RALGAPA2: variants seen among roughly 807,000 people sequenced by gnomAD.
The protein encoded by RALGAPA2 is Ral GTPase activating protein catalytic subunit alpha 2.
RALGAPA2 carries 139 observed loss-of-function variants against 230.4 expected under a neutral mutation model. The observed-to-expected ratio is 0.60, with a 90% CI of 0.53 to 0.69. The LOEUF (loss-of-function observed/expected upper bound fraction) is 0.69. Ranked by LOEUF, RALGAPA2 falls within the 30% of genes least tolerant of loss-of-function variation. The pLI is 0.00. For synonymous variants in RALGAPA2, 847 were observed against 837.8 expected, an observed-to-expected ratio of 1.01 and a Z score of -0.19; for missense variants, 2,163 against 2,276.0, an observed-to-expected ratio of 0.95 and a Z score of 1.01.
chr20:20,404,748 G>A (rs2059912316), intron 38 of RALGAPA2, among the ~76,000 whole-genome samples: 1 of 152,190 alleles, frequency 6.6e-6, no homozygotes, highest in Admixed American at 6.5e-5. Context: ...TTAGCAGTCA[G>A]GCAGGAGGAA....
At chr20:20,626,710 T>A (rs2066498238) in intron 10 of RALGAPA2, among the ~76,000 whole-genome samples, 1 of 152,250 alleles carries the variant, frequency 6.6e-6, no homozygotes, top group South Asian at 2.1e-4. Context: ...ATGAAGTATT[T>A]TCATTCAAGC....
At chr20:20,596,638 T>C (rs1018783139) in intron 16 of RALGAPA2, among the ~76,000 whole-genome samples, 4 of 152,192 alleles carry the variant, frequency 2.6e-5, no homozygotes, top group Non-Finnish European at 5.9e-5. Flanking sequence ...CTCACTATCA[T>C]AGTTGGAATG....
At chr20:20,589,629 G>A (rs764609979) in intron 17 of RALGAPA2, among the ~76,000 whole-genome samples, 52 of 151,992 alleles carry the variant, frequency 3.4e-4, no homozygotes, top group African/African-American at 9.9e-4. Flanking sequence ...ATTTATGTTC[G>A]CACAGGGGAG....
chr20:20,636,167 A>G (rs1024856476), intron 8 of RALGAPA2, among the ~76,000 whole-genome samples: 6 of 152,198 alleles, frequency 3.9e-5, no homozygotes, highest in African/African-American at 1.4e-4. Flanking sequence ...CCTTTGAGGC[A>G]TCAAATGCTA....
intron 3 of RALGAPA2, among the ~76,000 whole-genome samples, chr20:20,669,922 A>C (rs2068078338): frequency 1.3e-5 from 2 of 152,218 alleles, no homozygotes; most frequent in Non-Finnish European, 2.9e-5. Context: ...AGACCCATTC[A>C]CCAAGTACCT....
intron 5 of RALGAPA2, among the ~76,000 whole-genome samples, chr20:20,641,288 T>C (rs565828950): frequency 6.6e-6 from 1 of 152,342 alleles, no homozygotes; most frequent in African/African-American, 2.4e-5. Context: ...TTCCTGTTAA[T>C]AGTATCTTAT....
intron 1 of RALGAPA2, 60 bp from the exon 2 acceptor site, chr20:20,680,861 A>C: frequency 6.6e-7 from 1 of 1,507,636 alleles, no homozygotes; most frequent in South Asian, 1.3e-5. Flanking sequence ...AGAATTTAGA[A>C]ACAAACTTCT....
intron 37 of RALGAPA2, among the ~76,000 whole-genome samples, chr20:20,435,253 G>T (rs1194265749): frequency 1.3e-5 from 2 of 152,234 alleles, no homozygotes; most frequent in Admixed American, 6.5e-5. Context: ...TGGGAGGCAT[G>T]GGAGGGACAG....
At chr20:20,645,535 C>T (rs1376661042) in intron 4 of RALGAPA2, among the ~76,000 whole-genome samples, 5 of 152,114 alleles carry the variant, frequency 3.3e-5, no homozygotes, top group African/African-American at 1.2e-4. Flanking sequence ...GAACACATGA[C>T]CCATATTGGT....
chr20:20,425,542 C>T (rs1001158804), intron 37 of RALGAPA2, among the ~76,000 whole-genome samples: 1 of 151,974 alleles, frequency 6.6e-6, no homozygotes, highest in African/African-American at 2.4e-5. Flanking sequence ...CATCTGATAC[C>T]AAGTTATCAG....
intron 37 of RALGAPA2, among the ~76,000 whole-genome samples, chr20:20,425,452 G>C (rs2060362413): frequency 6.6e-6 from 1 of 152,050 alleles, no homozygotes; most frequent in African/African-American, 2.4e-5. Flanking sequence ...ACTACCTCTG[G>C]AAGCAGAAAA....
intron 24 of RALGAPA2, among the ~76,000 whole-genome samples, chr20:20,537,978 G>A (rs1047608568): frequency 2.6e-5 from 4 of 152,236 alleles, no homozygotes; most frequent in African/African-American, 9.6e-5. Context: ...GATTTGAACT[G>A]AGGCCATCTA....
intron 20 of RALGAPA2, among the ~76,000 whole-genome samples, chr20:20,575,395 T>G (rs1352220759): frequency 6.6e-6 from 1 of 151,930 alleles, no homozygotes; most frequent in Non-Finnish European, 1.5e-5. Context: ...GATATATGTA[T>G]GTTGAGTTTG....
intron 35 of RALGAPA2, among the ~76,000 whole-genome samples, chr20:20,499,445 T>C (rs1254305340): frequency 6.6e-6 from 1 of 152,204 alleles, no homozygotes; most frequent in Non-Finnish European, 1.5e-5. Flanking sequence ...TGGTGACACA[T>C]TTGCAAAGCA....
At chr20:20,519,590 T>C (rs1221666731) in intron 31 of RALGAPA2, among the ~76,000 whole-genome samples, 1 of 152,216 alleles carries the variant, frequency 6.6e-6, no homozygotes, top group African/African-American at 2.4e-5. Context: ...TTGGGAAATA[T>C]AACAGCTCCT....
chr20:20,557,571 C>G (rs6082044), intron 23 of RALGAPA2, among the ~76,000 whole-genome samples: 3,676 of 152,240 alleles, frequency 0.024, 75 homozygotes, highest in South Asian at 0.06. Context: ...AAGGTCATGG[C>G]TGCAAGGGCA....
At chr20:20,699,599 T>G (rs768681665) in intron 1 of RALGAPA2, among the ~76,000 whole-genome samples, 1 of 152,140 alleles carries the variant, frequency 6.6e-6, no homozygotes, top group African/African-American at 2.4e-5. Flanking sequence ...CTATCAAAGA[T>G]TTCATTTAAA....
chr20:20,659,845 A>G, intron 3 of RALGAPA2: 1 of 676,736 alleles, frequency 1.5e-6, no homozygotes, highest in Non-Finnish European at 2.5e-6. Context: ...GAGGAAAGCT[A>G]TTGTCCCTGG....
At chr20:20,706,016 G>T (rs1019727104) in intron 1 of RALGAPA2, among the ~76,000 whole-genome samples, 1 of 152,120 alleles carries the variant, frequency 6.6e-6, no homozygotes, top group African/African-American at 2.4e-5. Flanking sequence ...TTGATACCCC[G>T]TTTGGTAACC....
Sources: gnomAD v4.1 joint callset for allele counts (sites outside exome capture counted in the v4.1 genomes callset) on GRCh38, gnomAD v4.1.1 for gene constraint, MANE v1.5 for transcripts, NCBI Gene and HGNC (gene_info 2026-07-23, HGNC 2026-07-21) for gene names.